CSMD1: variants seen among roughly 807,000 people sequenced by gnomAD.
CSMD1 encodes the protein CUB and sushi domain-containing protein 1.
Under a neutral mutation model 417.5 loss-of-function variants are expected in CSMD1, and 213 were observed. That is an observed-to-expected ratio of 0.51 (90% CI 0.46 to 0.57). The LOEUF is 0.57. Ranked by LOEUF, CSMD1 falls within the 20% of genes least tolerant of loss-of-function variation. The probability of loss-of-function intolerance (pLI) is 0.00; values close to 1 mark genes in which losing one functional copy is unlikely to be tolerated. For synonymous variants in CSMD1, 2,862 were observed against 1,736.8 expected (o/e 1.65, Z -16.11); for missense variants, 6,923 against 4,529.7 (o/e 1.53, Z -15.17).
intron 3 of CSMD1, among the ~76,000 whole-genome samples, chr8:4,351,541 G>A (rs1288006888): frequency 1.3e-5 from 2 of 152,220 alleles, no homozygotes; most frequent in South Asian, 2.1e-4. Flanking sequence ...CATGGAGGTA[G>A]AAAGTGGCCG....
At chr8:4,666,066 G>C (rs1025383698) in intron 1 of CSMD1, among the ~76,000 whole-genome samples, 1 of 152,080 alleles carries the variant, frequency 6.6e-6, no homozygotes, top group African/African-American at 2.4e-5. Flanking sequence ...CTGGCACATA[G>C]GACAATCTCA....
chr8:3,125,305 A>C (rs1400552349), intron 41 of CSMD1, among the ~76,000 whole-genome samples: 1 of 152,224 alleles, frequency 6.6e-6, no homozygotes, highest in Non-Finnish European at 1.5e-5. Context: ...AATGCATCAC[A>C]GTGCCAGGCC....
intron 3 of CSMD1, among the ~76,000 whole-genome samples, chr8:4,140,396 C>A (rs749775429): frequency 6.6e-6 from 1 of 150,708 alleles, no homozygotes; most frequent in Admixed American, 6.6e-5. Context: ...TACTTCGGAG[C>A]CTGAAGCAGG....
intron 37 of CSMD1, among the ~76,000 whole-genome samples, 161 bp downstream of exon 37, chr8:3,180,949 A>G (rs1429420857): frequency 6.6e-6 from 1 of 152,126 alleles, no homozygotes; most frequent in Non-Finnish European, 1.5e-5. Flanking sequence ...TGGCTTATGT[A>G]TTTCGTAGAG....
chr8:4,929,243 G>A (rs1234934788), intron 1 of CSMD1, among the ~76,000 whole-genome samples: 1 of 152,108 alleles, frequency 6.6e-6, no homozygotes, highest in Non-Finnish European at 1.5e-5. Flanking sequence ...CAGCGAGAGA[G>A]GCTGCAGAGA....
intron 5 of CSMD1, among the ~76,000 whole-genome samples, chr8:3,969,589 C>G (rs1812936032): frequency 3.3e-5 from 5 of 152,138 alleles, no homozygotes; most frequent in Admixed American, 3.3e-4. Flanking sequence ...ATTGAAATTT[C>G]ATTCCATCGT....
chr8:4,771,471 G>A (rs1019438208), intron 1 of CSMD1, among the ~76,000 whole-genome samples: 1 of 152,212 alleles, frequency 6.6e-6, no homozygotes, highest in Non-Finnish European at 1.5e-5. Flanking sequence ...TCCGTGCGAA[G>A]CTCAGTCGTG....
chr8:4,796,434 C>G (rs1797986735), intron 1 of CSMD1, among the ~76,000 whole-genome samples: 1 of 151,994 alleles, frequency 6.6e-6, no homozygotes, highest in South Asian at 2.1e-4. Context: ...GCAATTTTCT[C>G]CTCTGCCCCT....
At chr8:3,803,159 C>T (rs999972539) in intron 5 of CSMD1, among the ~76,000 whole-genome samples, 1 of 152,154 alleles carries the variant, frequency 6.6e-6, no homozygotes, top group Non-Finnish European at 1.5e-5. Flanking sequence ...ATGTTCTAAT[C>T]ATGCTGAAAG....
At chr8:3,583,894 T>A (rs565057903) in intron 9 of CSMD1, among the ~76,000 whole-genome samples, 2 of 151,378 alleles carry the variant, frequency 1.3e-5, no homozygotes, top group South Asian at 4.2e-4. Flanking sequence ...TGCAACTAGA[T>A]AGATAAGGAG....
chr8:3,257,582 T>C (rs905097888), intron 26 of CSMD1, among the ~76,000 whole-genome samples: 7 of 152,144 alleles, frequency 4.6e-5, no homozygotes, highest in Non-Finnish European at 5.9e-5. Context: ...GGTGGGCTGG[T>C]CATGGAAGTT....
chr8:4,836,082 G>C (rs1030820505), intron 1 of CSMD1, among the ~76,000 whole-genome samples: 1 of 152,084 alleles, frequency 6.6e-6, no homozygotes, highest in Admixed American at 6.6e-5. Context: ...ACATACACAA[G>C]TAATGCAAGA....
intron 7 of CSMD1, among the ~76,000 whole-genome samples, chr8:3,637,998 T>G (rs1477331032): frequency 6.6e-6 from 1 of 152,214 alleles, no homozygotes; most frequent in Non-Finnish European, 1.5e-5. Flanking sequence ...TGTGGAACCA[T>G]GAGTCCATTA....
At chr8:3,784,138 C>T (rs1439959894) in intron 5 of CSMD1, among the ~76,000 whole-genome samples, 9 of 105,414 alleles carry the variant, frequency 8.5e-5, no homozygotes, top group African/African-American at 3.4e-4. Context: ...TTTCCTCTCT[C>T]TTTCTCTCTC....
At chr8:4,971,575 G>A (rs1010002255) in intron 1 of CSMD1, among the ~76,000 whole-genome samples, 1 of 151,820 alleles carries the variant, frequency 6.6e-6, no homozygotes, top group African/African-American at 2.4e-5. Context: ...TTTAGCAGTA[G>A]GCTATGTTTA....
intron 7 of CSMD1, among the ~76,000 whole-genome samples, chr8:3,623,904 G>T (rs1172588811): frequency 6.6e-6 from 1 of 152,046 alleles, no homozygotes; most frequent in Non-Finnish European, 1.5e-5. Flanking sequence ...TTGAACCCGG[G>T]AGGCGGAGTT....
chr8:3,354,848 A>G (rs1315057053), intron 21 of CSMD1, among the ~76,000 whole-genome samples: 1 of 59,542 alleles, frequency 1.7e-5, no homozygotes, highest in Non-Finnish European at 3.1e-5. Flanking sequence ...GATACACTAA[A>G]CCCTCTCCCT....
intron 34 of CSMD1, 127 bp from the exon 35 acceptor site, chr8:3,189,138 G>T: frequency 1.2e-6 from 1 of 801,890 alleles, no homozygotes; most frequent in Non-Finnish European, 1.8e-6. Context: ...TACGTTAAAC[G>T]GCACTTTTAG....
rs375447083 is a variant in CSMD1 at position 4,315,221 on chromosome 8, A to G, written c.415+104732T>C. Among the ~76,000 whole-genome samples the G allele has an allele frequency of 5.3e-5, 8 of 152,282 alleles. No homozygotes were observed. In the East Asian group the frequency reaches 9.7e-4, roughly 18 times the overall value. On this transcript the variant is annotated intron_variant, in intron 3 of 69. Coordinates refer to ENST00000635120, the MANE Select transcript of CSMD1 (RefSeq NM_033225.6). ...TACCAGAGGTGGCACTTTCTGCTCA[A>G]AGGAAAGCCCAGCTCTGGCTTGAAG... is the stretch of plus-strand genomic sequence containing the variant.
Sources: allele counts gnomAD v4.1 joint callset (sites outside exome capture counted in the v4.1 genomes callset), GRCh38; gene constraint gnomAD v4.1.1; transcripts MANE v1.5; gene names NCBI Gene and HGNC (gene_info 2026-07-23, HGNC 2026-07-21).